Variants in ADGRE1 observed in about 807,000 individuals in gnomAD.
The protein encoded by ADGRE1 is adhesion G protein-coupled receptor E1.
Under a neutral mutation model 102.7 loss-of-function variants are expected in ADGRE1, and 82 were observed. The observed-to-expected ratio is 0.80, with a 90% CI of 0.67 to 0.96. The LOEUF is 0.96. ADGRE1 is among the 40% of genes least tolerant of loss of function. The probability of loss-of-function intolerance (pLI) is 0.00; values close to 1 mark genes in which losing one functional copy is unlikely to be tolerated. For synonymous variants in ADGRE1, 398 were observed against 399.6 expected (o/e 1.00, Z 0.05); for missense variants, 1,032 against 1,085.3 (o/e 0.95, Z 0.69).
At chr19:6,937,107 G>T in intron 18 of ADGRE1, 136 bp from the exon 19 acceptor site, 2 of 933,138 alleles carry the variant, frequency 2.1e-6, no homozygotes, top group East Asian at 2.5e-5. Context: ...ACCTAGGCTT[G>T]GAGACCCCAC....
At chr19:6,912,123 AAC>A (rs57311124) in intron 10 of ADGRE1, among the ~76,000 whole-genome samples, 10,554 of 151,992 alleles carry the variant, frequency 0.069, 1,179 homozygotes, top group African/African-American at 0.23. Context: ...CATATACACA[AAC>A]ACACATACAT....
intron 14 of ADGRE1, among the ~76,000 whole-genome samples, chr19:6,922,620 AC>A (rs1974718756): frequency 4.0e-5 from 4 of 100,792 alleles, no homozygotes; most frequent in African/African-American, 1.9e-4. Context: ...TCTCACACAC[AC>A]ACACACACAC....
intron 18 of ADGRE1, among the ~76,000 whole-genome samples, chr19:6,936,074 C>A (rs1385460245): frequency 6.6e-6 from 1 of 152,176 alleles, no homozygotes; most frequent in Non-Finnish European, 1.5e-5. Context: ...TAATAACATT[C>A]TTTGCTTCTT....
At chr19:6,926,325 C>T (rs559436489) in intron 15 of ADGRE1, 41 bp from the exon 16 acceptor site, 2 of 1,604,860 alleles carry the variant, frequency 1.2e-6, no homozygotes, top group East Asian at 2.2e-5. Flanking sequence ...CGATTTCTCT[C>T]TGGGGTGGAG....
chr19:6,889,201 TATGGTGGTGATGATGATG>T (rs1245992048), intron 1 of ADGRE1, among the ~76,000 whole-genome samples: 1 of 147,524 alleles, frequency 6.8e-6, no homozygotes. Flanking sequence ...TGTTGGTGAT[TATGGTGGTGATGATGATG>T]ATGGTGGTGA....
chr19:6,934,365 T>G (rs1020845229), intron 17 of ADGRE1, among the ~76,000 whole-genome samples: 1 of 152,054 alleles, frequency 6.6e-6, no homozygotes, highest in South Asian at 2.1e-4. Flanking sequence ...GGATCATTCT[T>G]TGGCTTTCTG....
At chr19:6,926,258 G>A (rs1568360004) in intron 15 of ADGRE1, 108 bp from the exon 16 acceptor site, 3 of 1,168,792 alleles carry the variant, frequency 2.6e-6, no homozygotes, top group Non-Finnish European at 3.6e-6. Context: ...AGATGAATGA[G>A]TGAGCTAGGT....
intron 17 of ADGRE1, among the ~76,000 whole-genome samples, chr19:6,930,226 A>G (rs997512312): frequency 2.0e-5 from 3 of 152,182 alleles, no homozygotes; most frequent in Non-Finnish European, 4.4e-5. Flanking sequence ...AAAAGTAAAA[A>G]GAAATTAGGA....
At chr19:6,913,902 T>G in intron 11 of ADGRE1, 72 bp downstream of exon 11, 2 of 1,425,012 alleles carry the variant, frequency 1.4e-6, no homozygotes, top group Non-Finnish European at 1.9e-6. Context: ...CAATGGGATA[T>G]TCCCTGGGTT....
chr19:6,925,133 GT>G (rs1974843695), intron 15 of ADGRE1, among the ~76,000 whole-genome samples: 1 of 152,070 alleles, frequency 6.6e-6, no homozygotes, highest in African/African-American at 2.4e-5. Context: ...TTGTTTGTTT[GT>G]TTTTGATACT....
At position 6,913,967 on chromosome 19, in the gene ADGRE1, G is replaced by T. The variant is rs149994634; in HGVS notation, c.1300+137G>T. On this transcript the variant is annotated intron_variant, in intron 11 of 20. Transcript: ENST00000312053. ...AAACTTTGAATTCACAGCAAAGCAA[G>T]TCTAATCATATTAACAACATTTTCC... 3.7e-3 allele frequency: 3,672 copies of T among 979,626 alleles called. 19 individuals carry two copies. The highest frequency in any genetic ancestry group is 0.019 in the Middle Eastern group (57 of 3,036). 60.7% of individuals were successfully genotyped at this position (979,626 alleles called of 1,614,324 possible).
chr19:6,939,599 C>T (rs1484380239), intron 20 of ADGRE1, among the ~76,000 whole-genome samples: 1 of 152,098 alleles, frequency 6.6e-6, no homozygotes, highest in East Asian at 1.9e-4. Context: ...GCCACAGCTC[C>T]AGACATCATG....
intron 20 of ADGRE1, among the ~76,000 whole-genome samples, chr19:6,938,962 A>C (rs985979525): frequency 6.6e-6 from 1 of 151,648 alleles, no homozygotes; most frequent in African/African-American, 2.4e-5. Context: ...CACCCAGATA[A>C]ATTTTGTATT....
chr19:6,902,802 T>C (rs965203766), intron 6 of ADGRE1, among the ~76,000 whole-genome samples: 2 of 152,210 alleles, frequency 1.3e-5, no homozygotes, highest in Admixed American at 1.3e-4. Context: ...AGTGGCTTGA[T>C]CTCAGCTTAC....
At position 6,904,056 on chromosome 19, in the gene ADGRE1, G is replaced by T. The variant is rs1243623083; in HGVS notation, c.823G>T (p.Asp275Tyr). Residue 275 changes from aspartate to tyrosine, a missense_variant, in exon 8 of 21, where the codon GAT becomes TAT. Asp to Tyr is a radical substitution (Grantham distance 160). Transcript: ENST00000312053. ...TGCAGATATTGATGAGTGCCGCCAA[G>T]ATCCATCAACCTGTGGTCCTAATTC... The part of the protein sequence containing the change: ...ECRDIDECRQ[D>Y]PSTCGPNSIC... 6 of 1,614,202 alleles carry T rather than the reference G, an allele frequency of 3.7e-6. No individual in the cohort carries two copies. Among genetic ancestry groups the T allele is most frequent in the East Asian group, 2.2e-5 (1 of 44,884 alleles).
chr19:6,899,165 T>C (rs1209461425), intron 5 of ADGRE1, among the ~76,000 whole-genome samples: 1 of 152,126 alleles, frequency 6.6e-6, no homozygotes, highest in Non-Finnish European at 1.5e-5. Context: ...CAGAATATAA[T>C]GGGGTGCACT....
chr19:6,913,873 T>C (rs1190291298), intron 11 of ADGRE1, 43 bp downstream of exon 11: 1 of 1,469,888 alleles, frequency 6.8e-7, no homozygotes, highest in Non-Finnish European at 9.1e-7. Context: ...TAGGGGATGA[T>C]TTTGAAAGTT....
At chr19:6,930,065 G>A (rs1021738248) in intron 17 of ADGRE1, among the ~76,000 whole-genome samples, 2 of 152,092 alleles carry the variant, frequency 1.3e-5, no homozygotes, top group East Asian at 3.8e-4. Flanking sequence ...CGATTCTACC[G>A]GCTGCTCTCC....
intron 2 of ADGRE1, among the ~76,000 whole-genome samples, chr19:6,892,185 AAG>A (rs1318047621): frequency 1.3e-5 from 2 of 152,148 alleles, no homozygotes; most frequent in African/African-American, 4.8e-5. Flanking sequence ...TGGAAATGAG[AAG>A]AGAGATACCA....
Sources: allele counts gnomAD v4.1 joint callset (sites outside exome capture counted in the v4.1 genomes callset), GRCh38; gene constraint gnomAD v4.1.1; transcripts MANE v1.5; gene names NCBI Gene and HGNC (gene_info 2026-07-23, HGNC 2026-07-21).